IFNG: variants seen among roughly 807,000 people sequenced by gnomAD.
IFNG encodes the protein IFN-gamma.
In IFNG, 8 loss-of-function variants were observed where a neutral mutation model predicts 14.4. The ratio of observed to expected loss-of-function variants is 0.56; its 90% CI spans 0.33 to 1.00. The LOEUF (loss-of-function observed/expected upper bound fraction) is 1.00. Among genes scored for constraint, IFNG ranks in the 50% least tolerant of loss-of-function variants. The pLI, the probability that IFNG is intolerant of heterozygous loss-of-function variation, is 0.03. For synonymous variants in IFNG, 73 were observed against 65.4 expected, an observed-to-expected ratio of 1.12 and a Z score of -0.56; for missense variants, 132 against 194.9, an observed-to-expected ratio of 0.68 and a Z score of 1.92.
At chr12:68,158,311 T>G (rs1882633663) in intron 1 of IFNG, 52 bp from the exon 2 acceptor site, 1 of 1,241,332 alleles carries the variant, frequency 8.1e-7, no homozygotes, top group African/African-American at 1.5e-5. Context: ...TAAATTGCCT[T>G]AAAAATATAT....
intron 1 of IFNG, among the ~76,000 whole-genome samples, chr12:68,158,838 T>C (rs1202719248): frequency 6.6e-6 from 1 of 152,074 alleles, no homozygotes; most frequent in South Asian, 2.1e-4. Flanking sequence ...AAACAAATAA[T>C]GAAATATTTA....
intron 1 of IFNG, among the ~76,000 whole-genome samples, chr12:68,158,774 A>G (rs557922419): frequency 5.3e-5 from 8 of 152,124 alleles, no homozygotes; most frequent in African/African-American, 1.9e-4. Flanking sequence ...AATAAAATCA[A>G]TTGTGAATGT....
At position 68,157,934 on chromosome 12, in the gene IFNG, G is replaced by A. The variant is rs572179856; in HGVS notation, c.345C>T (p.Phe115=). 23 of 1,599,704 alleles carry A rather than the reference G, an allele frequency of 1.4e-5. No homozygotes were observed. Among genetic ancestry groups the A allele is most frequent in the Middle Eastern group, 1.7e-4 (1 of 5,998 alleles). Residue 115 remains phenylalanine, a synonymous_variant, in exon 3 of 4, where the codon TTC becomes TTT. Transcript: ENST00000229135. The part of the protein sequence containing the change: ...FNSNKKKRDD[F]EKLTNYSVTD... ...TCACCGAATAATTAGTCAGCTTTTC[G>A]AAGTCATCTCGTTTCTTTTTGTTGC...
intron 3 of IFNG, 107 bp from the exon 4 acceptor site, chr12:68,155,594 G>A: frequency 1.0e-6 from 1 of 968,448 alleles, no homozygotes; most frequent in South Asian, 2.0e-5. Context: ...TTTAAAAAAT[G>A]GACCGTATTA....
intron 3 of IFNG, among the ~76,000 whole-genome samples, chr12:68,157,426 T>G (rs963261338): frequency 1.3e-5 from 2 of 152,180 alleles, no homozygotes; most frequent in African/African-American, 4.8e-5. Flanking sequence ...GCCTAACAGT[T>G]TCCTTTTAAG....
chr12:68,156,236 A>G (rs1389888565), intron 3 of IFNG, among the ~76,000 whole-genome samples: 1 of 152,218 alleles, frequency 6.6e-6, no homozygotes, highest in African/African-American at 2.4e-5. Context: ...ACCCCCAATC[A>G]TATTTATATA....
chr12:68,158,358 C>G (rs547787184), intron 1 of IFNG, 99 bp from the exon 2 acceptor site: 1 of 790,112 alleles, frequency 1.3e-6, no homozygotes, highest in Non-Finnish European at 2.0e-6. Flanking sequence ...ACAATATTCA[C>G]TGATTTCCTT....
chr12:68,158,011 G>T lies in IFNG; in HGVS notation c.268C>A (p.Gln90Lys). The T allele has an allele frequency of 1.2e-6, 2 of 1,610,720 alleles. No homozygotes were observed. Among genetic ancestry groups the T allele is most frequent in the Non-Finnish European group, 1.7e-6 (2 of 1,177,726 alleles). Residue 90 changes from glutamine (Q) to lysine (K), a missense_variant, in exon 3 of 4, where the codon CAA (glutamine) becomes AAA (lysine). Coordinates refer to ENST00000229135, the MANE Select transcript of IFNG (RefSeq NM_000619.3). ...FKNFKDDQSI[Q>K]KSVETIKEDM... ...TCCTTGATGGTCTCCACACTCTTTTGGATGCTCTGGTCATCTTTAAAGTTT... is the reference window on the plus strand; with the variant it reads ...TCCTTGATGGTCTCCACACTCTTTTTGATGCTCTGGTCATCTTTAAAGTTT...
Position 68,155,714 on chromosome 12 carries a change from C to G in IFNG, c.367-227G>C, listed in dbSNP as rs121913169. 2.0e-5 allele frequency among the ~76,000 whole-genome samples: 3 copies of G among 152,248 alleles called. No homozygotes were observed. The highest frequency in any genetic ancestry group is 7.2e-5 in the African/African-American group (3 of 41,544). On this transcript the variant is annotated intron_variant, in intron 3 of 3. Transcript: ENST00000229135. ...CCATCACATATCTTTAAATCTACTT[C>G]TATAGAATTCTTGAAATTATATAGT...
At chr12:68,157,343 A>C (rs1267124102) in intron 3 of IFNG, among the ~76,000 whole-genome samples, 1 of 152,068 alleles carries the variant, frequency 6.6e-6, no homozygotes, top group Admixed American at 6.6e-5. Context: ...GCTTTCTTCT[A>C]TCTCATTCTC....
chr12:68,155,520 A>T, intron 3 of IFNG, 33 bp from the exon 4 acceptor site: 1 of 1,572,170 alleles, frequency 6.4e-7, no homozygotes, highest in Middle Eastern at 1.7e-4. Flanking sequence ...AATTAATTTC[A>T]GGCATATAAG....
rs112587794 is a variant in IFNG, at chr12:68,156,630, A to AT, written c.367-1144dup. Among the ~76,000 whole-genome samples, 1,480 of 152,178 alleles carry AT rather than the reference A, an allele frequency of 9.7e-3. 9 individuals are homozygous for AT. The highest frequency in any genetic ancestry group is 0.041 in the Middle Eastern group (12 of 294). ...AGCTTCCAGAAGGAAGAAACCACAG[A>AT]TTTTTTTTCATTTTTTTAAGGCCCA... On this transcript the variant is annotated intron_variant, in intron 3 of 3. Transcript: ENST00000229135.
Position 68,155,303 on chromosome 12 carries a change from T to C in IFNG, c.*50A>G. 1 of 1,317,596 alleles carries C rather than the reference T, an allele frequency of 7.6e-7. No individual in the cohort carries two copies. The highest frequency in any genetic ancestry group is 1.0e-6 in the Non-Finnish European group (1 of 974,264). The allele number at this position is 1,317,596 out of a possible 1,614,324, so 81.6% of individuals were successfully genotyped here. A position where few individuals can be genotyped will look rare whatever the true frequency, so the allele number is the denominator to read the frequency against. On this transcript the variant is annotated 3_prime_UTR_variant, in exon 4 of 4. Transcript: ENST00000229135. ...TCCCCATATAAATAATGTTAAATATTAATAAATAGATTTAGATTTAAAATT... is the reference window on the plus strand; with the variant it reads ...TCCCCATATAAATAATGTTAAATATCAATAAATAGATTTAGATTTAAAATT...
intron 1 of IFNG, 22 bp from the exon 2 acceptor site, chr12:68,158,281 A>G: frequency 1.9e-6 from 3 of 1,545,712 alleles, no homozygotes; most frequent in South Asian, 1.2e-5. Flanking sequence ...AAAAGAAAAA[A>G]TTGGTTTACA....
chr12:68,159,207 A>T (rs920221658), intron 1 of IFNG, among the ~76,000 whole-genome samples: 2 of 152,208 alleles, frequency 1.3e-5, no homozygotes, highest in African/African-American at 4.8e-5. Flanking sequence ...GACTATCACA[A>T]CTGAATGAGT....
rs1350296408 is a variant in IFNG at position 68,155,212 on chromosome 12, T to C, written c.*141A>G. ...TAAATAATACATATATTAATAGATA[T>C]TCATTTTCATTACACAAAAGTTGCT... is the stretch of plus-strand genomic sequence containing the variant. On this transcript the variant is annotated 3_prime_UTR_variant, in exon 4 of 4. Coordinates refer to ENST00000229135, the MANE Select transcript of IFNG (RefSeq NM_000619.3). 1.0e-5 allele frequency: 5 copies of C among 499,656 alleles called. No homozygotes were observed. Among genetic ancestry groups the C allele is most frequent in the Non-Finnish European group, 1.7e-5 (5 of 294,736 alleles). 31.0% of individuals were successfully genotyped at this position (499,656 alleles called of 1,614,324 possible).
rs768815252 is a variant in IFNG, at chr12:68,157,906, GC to G, written c.366+6del. ...TGAAACCAAAGAAAGAATTTAAATA[GC>G]CTCACCGAATAATTAGTCAGCTTTT... On this transcript the variant is annotated splice_donor_region_variant and intron_variant, in intron 3 of 3. Transcript: ENST00000229135. 1 of 1,580,296 alleles carries G rather than the reference GC, an allele frequency of 6.3e-7. No individual in the cohort carries two copies. Among genetic ancestry groups the G allele is most frequent in the South Asian group, 1.2e-5 (1 of 86,080 alleles).
intron 3 of IFNG, among the ~76,000 whole-genome samples, chr12:68,156,643 T>G (rs942992827): frequency 6.6e-6 from 1 of 152,198 alleles, no homozygotes; most frequent in African/African-American, 2.4e-5. Flanking sequence ...TTTTTTCATT[T>G]TTTTAAGGCC....
Position 68,158,261 on chromosome 12 carries a change from TAAAA to T in IFNG, c.115-6_115-3del, listed in dbSNP as rs2234686. 1.8e-5 allele frequency: 24 copies of T among 1,355,008 alleles called. No individual in the cohort carries two copies. The highest frequency in any genetic ancestry group is 4.3e-5 in the South Asian group (3 of 68,986). 83.9% of individuals were successfully genotyped at this position (1,355,008 alleles called of 1,614,324 possible). A position where few individuals can be genotyped will look rare whatever the true frequency, so the allele number is the denominator to read the frequency against. On this transcript the variant is annotated splice_region_variant and splice_polypyrimidine_tract_variant and intron_variant, in intron 1 of 3. Transcript: ENST00000229135. Reference sequence around the variant, plus strand: ...CGCTACATCTGAATGACCTGCATTCTAAAAAAAAAAAAAGAAAAAATTGGTTTAC... The same window carrying T: ...CGCTACATCTGAATGACCTGCATTCTAAAAAAAAAGAAAAAATTGGTTTAC...
Sources: gnomAD v4.1 joint callset for allele counts (sites outside exome capture counted in the v4.1 genomes callset) on GRCh38, gnomAD v4.1.1 for gene constraint, MANE v1.5 for transcripts, NCBI Gene and HGNC (gene_info 2026-07-23, HGNC 2026-07-21) for gene names.